PGS1: variants seen among roughly 807,000 people sequenced by gnomAD.
The protein encoded by PGS1 is CDP-diacylglycerol--glycerol-3-phosphate 3-phosphatidyltransferase, mitochondrial.
A neutral mutation model predicts 58.3 loss-of-function variants in PGS1; 44 were observed. The ratio of observed to expected loss-of-function variants is 0.75; its 90% CI spans 0.59 to 0.97. PGS1 has a LOEUF of 0.97. Ranked by LOEUF, PGS1 falls within the 50% of genes least tolerant of loss-of-function variation. The probability of loss-of-function intolerance (pLI) is 0.00; values close to 1 mark genes in which losing one functional copy is unlikely to be tolerated. For missense variants in PGS1, 684 were observed against 731.1 expected, an observed-to-expected ratio of 0.94 and a Z score of 0.74; for synonymous variants, 330 against 311.0, an observed-to-expected ratio of 1.06 and a Z score of -0.64.
At chr17:78,403,213 C>T (rs2083832008) in intron 6 of PGS1, among the ~76,000 whole-genome samples, 1 of 151,688 alleles carries the variant, frequency 6.6e-6, no homozygotes, top group African/African-American at 2.4e-5. Context: ...TCCTGGAGGC[C>T]CCCCGTATGT....
At position 78,414,816 on chromosome 17, in the gene PGS1, G is replaced by T. The variant is rs1407627364; in HGVS notation, c.1403-63G>T. 42 of 1,581,650 alleles carry T rather than the reference G, an allele frequency of 2.7e-5. No individual in the cohort carries two copies. The East Asian group carries it at 9.0e-4, about 34-fold the overall frequency. ...CCTTTCTCTTAGATTGCAGCAGCGT[G>T]TGGAGAGGACTTTGGTAGATGCTGT... On this transcript the variant is annotated intron_variant, in intron 7 of 9. Coordinates refer to ENST00000262764, the MANE Select transcript of PGS1 (RefSeq NM_024419.5).
chr17:78,407,671 A>G (rs1178116146), intron 7 of PGS1, among the ~76,000 whole-genome samples: 1 of 152,240 alleles, frequency 6.6e-6, no homozygotes, highest in Non-Finnish European at 1.5e-5. Flanking sequence ...GCCCTTGGGC[A>G]GAGACAGGTA....
At chr17:78,386,815 A>C (rs2082415726) in intron 1 of PGS1, among the ~76,000 whole-genome samples, 1 of 152,180 alleles carries the variant, frequency 6.6e-6, no homozygotes, top group Admixed American at 6.5e-5. Context: ...CATTGTGGAA[A>C]GCCGGGAACT....
At chr17:78,404,508 G>A (rs1202159264) in intron 7 of PGS1, among the ~76,000 whole-genome samples, 1 of 151,934 alleles carries the variant, frequency 6.6e-6, no homozygotes, top group East Asian at 1.9e-4. Context: ...TTGAACTCCG[G>A]AGCTCAAGTG....
At chr17:78,420,029 C>A in intron 9 of PGS1, 1 of 1,135,308 alleles carries the variant, frequency 8.8e-7, no homozygotes, top group Non-Finnish European at 1.1e-6. Context: ...CAGATTGAGC[C>A]CCTCCAAGCT....
Position 78,392,523 on chromosome 17 carries a change from A to T in PGS1, c.191A>T (p.Gln64Leu). ...LAPLLSPAVPQVTSPPCCLCP... is the reference protein window; with the variant it reads ...LAPLLSPAVPLVTSPPCCLCP... ...CCCTTGCTGTCCCCAGCTGTTCCCC[A>T]GGTCACCTCCCCACCTTGCTGCCTG... Residue 64 changes from glutamine to leucine, a missense_variant, in exon 2 of 10, where the codon CAG (glutamine) becomes CTG (leucine). Transcript: ENST00000262764. 6.2e-7 allele frequency: 1 copy of T among 1,613,996 alleles called. No individual in the cohort carries two copies. Among genetic ancestry groups the T allele is most frequent in the Non-Finnish European group, 8.5e-7 (1 of 1,179,972 alleles).
At chr17:78,382,279 A>AG (rs2082085843) in intron 1 of PGS1, among the ~76,000 whole-genome samples, 1 of 152,214 alleles carries the variant, frequency 6.6e-6, no homozygotes, top group Admixed American at 6.5e-5. Flanking sequence ...AGTCTGGGCC[A>AG]GAGACCCAGG....
At chr17:78,386,394 A>G (rs1326219809) in intron 1 of PGS1, among the ~76,000 whole-genome samples, 1 of 152,100 alleles carries the variant, frequency 6.6e-6, no homozygotes, top group Non-Finnish European at 1.5e-5. Context: ...TCCAGGGTAA[A>G]GGAGTGGCCT....
At position 78,419,583 on chromosome 17, in the gene PGS1, C is replaced by T. The variant is rs994773648; in HGVS notation, c.1589C>T (p.Ser530Phe). Residue 530 changes from serine (S) to phenylalanine (F), a missense_variant, in exon 9 of 10, where the codon TCC becomes TTC. Ser to Phe is a radical substitution (Grantham distance 155). Transcript: ENST00000262764. ...EQLYLRSGVV[S>F]SATFEQPSRQ... The stretch of plus-strand genomic sequence containing the variant: ...CTCTACCTGAGGTCAGGTGTGGTGT[C>T]CTCTGCCACCTTCGAGCAGCCGAGT... The T allele has an allele frequency of 3.1e-6, 5 of 1,613,972 alleles. No individual in the cohort carries two copies. The African/African-American group carries it at 6.7e-5, about 22-fold the overall frequency.
chr17:78,389,708 G>GGTTCAAGCGATTCTCCTGC (rs1427142557), intron 1 of PGS1, among the ~76,000 whole-genome samples: 2 of 152,056 alleles, frequency 1.3e-5, no homozygotes, highest in African/African-American at 4.8e-5. Context: ...CCGCCTCCTG[G>GGTTCAAGCGATTCTCCTGC]GTTCAAGCGA....
chr17:78,420,264 C>T (rs1230296791), intron 9 of PGS1: 10 of 978,872 alleles, frequency 1.0e-5, no homozygotes, highest in Non-Finnish European at 1.2e-5. Context: ...CTGCTCTGCC[C>T]ACCCAGGAGG....
At chr17:78,417,577 C>T (rs894439131) in intron 8 of PGS1, among the ~76,000 whole-genome samples, 6 of 152,092 alleles carry the variant, frequency 3.9e-5, no homozygotes, top group Non-Finnish European at 2.9e-5. Context: ...CCTGACCCCC[C>T]GGGGCAGAGG....
chr17:78,408,286 G>A (rs1459793222), intron 7 of PGS1, among the ~76,000 whole-genome samples: 1 of 152,136 alleles, frequency 6.6e-6, no homozygotes, highest in East Asian at 1.9e-4. Context: ...GAATACTCAG[G>A]AGAAGCCATG....
intron 1 of PGS1, among the ~76,000 whole-genome samples, chr17:78,386,773 T>C (rs1033638410): frequency 7.9e-5 from 12 of 152,226 alleles, no homozygotes; most frequent in Admixed American, 1.3e-4. Context: ...AGCATGGGGA[T>C]AAACCTTTTC....
At chr17:78,388,373 T>G (rs2082559636) in intron 1 of PGS1, among the ~76,000 whole-genome samples, 1 of 152,070 alleles carries the variant, frequency 6.6e-6, no homozygotes, top group African/African-American at 2.4e-5. Context: ...CCCTCTTGGG[T>G]TTTTCTGCTG....
intron 3 of PGS1, among the ~76,000 whole-genome samples, chr17:78,396,689 CTG>C (rs1425292888): frequency 6.6e-6 from 1 of 152,256 alleles, no homozygotes; most frequent in East Asian, 1.9e-4. Flanking sequence ...GCTTGGCCGA[CTG>C]TGGCCTGCCA....
At chr17:78,388,548 G>A (rs1002165769) in intron 1 of PGS1, among the ~76,000 whole-genome samples, 8 of 151,538 alleles carry the variant, frequency 5.3e-5, no homozygotes, top group Non-Finnish European at 8.8e-5. Flanking sequence ...GTCTTGCTAT[G>A]TTGCCTAGGC....
rs371346446 is a variant in PGS1, at chr17:78,424,137, G to A, written c.*87G>A. On this transcript the variant is annotated 3_prime_UTR_variant, in exon 10 of 10. Transcript: ENST00000262764. ...GCGCTTCAGCGATGACTCCAGTCTG[G>A]GTGTCCCAGCGAGCCCCTGCAGGGA... 115 of 1,612,118 alleles carry A rather than the reference G, an allele frequency of 7.1e-5. No individual in the cohort carries two copies. The African/African-American group carries it at 1.3e-3, about 18-fold the overall frequency.
chr17:78,408,235 A>G (rs894670466), intron 7 of PGS1, among the ~76,000 whole-genome samples: 27 of 152,248 alleles, frequency 1.8e-4, no homozygotes, highest in African/African-American at 5.8e-4. Context: ...TGGTTTATCT[A>G]TTTCATTCTT....
Sources: allele counts gnomAD v4.1 joint callset (sites outside exome capture counted in the v4.1 genomes callset), GRCh38; gene constraint gnomAD v4.1.1; transcripts MANE v1.5; gene names NCBI Gene and HGNC (gene_info 2026-07-23, HGNC 2026-07-21).